Variants in ZBTB7C observed in about 807,000 individuals in gnomAD.
ZBTB7C encodes zinc finger and BTB domain containing 7C, also known as zinc finger and BTB domain-containing protein 7C.
Under a neutral mutation model 25.7 loss-of-function variants are expected in ZBTB7C, and 8 were observed. That is an observed-to-expected ratio of 0.31 (90% CI 0.18 to 0.56). The LOEUF (loss-of-function observed/expected upper bound fraction) is 0.56. ZBTB7C is among the 20% of genes least tolerant of loss of function. The pLI is 0.91. For missense variants in ZBTB7C, 824 were observed against 855.2 expected (o/e 0.96, Z 0.46); for synonymous variants, 394 against 369.0 (o/e 1.07, Z -0.78).
chr18:48,367,109 T>C (rs75332681), intron 1 of ZBTB7C, among the ~76,000 whole-genome samples: 2,481 of 145,228 alleles, frequency 0.017, 88 homozygotes, highest in African/African-American at 0.06. Flanking sequence ...GAAAAGGAAG[T>C]AGAGAGGGCT....
intron 2 of ZBTB7C, among the ~76,000 whole-genome samples, chr18:48,323,978 G>T (rs1001889990): frequency 6.6e-6 from 1 of 152,022 alleles, no homozygotes; most frequent in East Asian, 1.9e-4. Context: ...AATAGAATTG[G>T]TGCCTTTTTA....
At chr18:48,239,944 C>A (rs1035861148) in intron 2 of ZBTB7C, among the ~76,000 whole-genome samples, 4 of 151,736 alleles carry the variant, frequency 2.6e-5, no homozygotes, top group South Asian at 4.2e-4. Context: ...AAGGTGAAAA[C>A]CAACTTAAAG....
chr18:48,359,045 A>G (rs1403994084), intron 1 of ZBTB7C, among the ~76,000 whole-genome samples: 1 of 152,166 alleles, frequency 6.6e-6, no homozygotes, highest in Admixed American at 6.5e-5. Flanking sequence ...TTGTACTGGC[A>G]ACAAGATGCT....
At chr18:48,388,028 T>C (rs1480194284) in intron 1 of ZBTB7C, among the ~76,000 whole-genome samples, 1 of 152,176 alleles carries the variant, frequency 6.6e-6, no homozygotes, top group Non-Finnish European at 1.5e-5. Flanking sequence ...GGTTTTACCA[T>C]GTTGGCCAGG....
chr18:48,079,995 G>A (rs1437525910), intron 3 of ZBTB7C, among the ~76,000 whole-genome samples: 4 of 152,230 alleles, frequency 2.6e-5, no homozygotes, highest in Non-Finnish European at 5.9e-5. Context: ...CTGTGCTAAC[G>A]ACACCACTGC....
At chr18:48,105,493 A>T (rs541198807) in intron 3 of ZBTB7C, among the ~76,000 whole-genome samples, 1 of 152,188 alleles carries the variant, frequency 6.6e-6, no homozygotes, top group South Asian at 2.1e-4. Flanking sequence ...CATGATTAAT[A>T]CCAGTAGTGC....
At chr18:48,270,843 T>C (rs187393354) in intron 2 of ZBTB7C, among the ~76,000 whole-genome samples, 1 of 152,028 alleles carries the variant, frequency 6.6e-6, no homozygotes, top group Admixed American at 6.5e-5. Context: ...AACCTAGTTC[T>C]ATAGAACACA....
chr18:48,335,194 C>T lies in ZBTB7C; in HGVS notation c.-79+2980G>A, dbSNP rs182726039. ...ATGCAAAGGGAGAGTGGAGACAGAA[C>T]TACAGAAATGCCAGTTAGGAAACTT... On this transcript the variant is annotated intron_variant, in intron 2 of 4. Transcript: ENST00000590800. Among the ~76,000 whole-genome samples the T allele has an allele frequency of 1.6e-3, 237 of 152,338 alleles. 2 individuals carry two copies. Among genetic ancestry groups the T allele is most frequent in the African/African-American group, 5.4e-3 (225 of 41,592 alleles).
At position 48,269,855 on chromosome 18, in the gene ZBTB7C, C is replaced by T. The variant is rs146575817; in HGVS notation, c.-79+68319G>A. On this transcript the variant is annotated intron_variant, in intron 2 of 4. Coordinates refer to ENST00000590800, the MANE Select transcript of ZBTB7C (RefSeq NM_001318841.2). ...AGCCTCTTTGTTAGAGATCTCTAGT[C>T]CACACTGGAGGTTCATTAGCTTGGT... 6.1e-4 allele frequency among the ~76,000 whole-genome samples: 93 copies of T among 152,232 alleles called. 1 individual carries two copies. Among genetic ancestry groups the T allele is most frequent in the East Asian group, 4.4e-3 (23 of 5,176 alleles).
At chr18:48,270,470 C>T (rs181485318) in intron 2 of ZBTB7C, among the ~76,000 whole-genome samples, 14 of 149,844 alleles carry the variant, frequency 9.3e-5, no homozygotes, top group East Asian at 2.0e-4. Flanking sequence ...CCCAGGTGGG[C>T]GGATCTCGAG....
intron 1 of ZBTB7C, among the ~76,000 whole-genome samples, chr18:48,378,853 TGAG>T (rs1483873573): frequency 6.6e-6 from 1 of 152,104 alleles, no homozygotes; most frequent in Non-Finnish European, 1.5e-5. Context: ...AATATAAAAT[TGAG>T]GAACTCTTCC....
chr18:48,301,629 G>A (rs977281796), intron 2 of ZBTB7C, among the ~76,000 whole-genome samples: 8 of 152,126 alleles, frequency 5.3e-5, no homozygotes, highest in Non-Finnish European at 5.9e-5. Flanking sequence ...GTGAGCCTAC[G>A]GGCACTGGGA....
intron 2 of ZBTB7C, among the ~76,000 whole-genome samples, chr18:48,245,535 C>T (rs375648454): frequency 3.6e-4 from 43 of 120,340 alleles, no homozygotes; most frequent in South Asian, 5.7e-4. Context: ...ATGGTATATA[C>T]GCTCAAGAGT....
chr18:48,204,278 C>T (rs1012430390), intron 2 of ZBTB7C, among the ~76,000 whole-genome samples: 1 of 152,158 alleles, frequency 6.6e-6, no homozygotes, highest in Admixed American at 6.5e-5. Context: ...TGCGCATGCC[C>T]AGTCTCTCAC....
At chr18:48,392,379 A>G (rs954807742) in intron 1 of ZBTB7C, among the ~76,000 whole-genome samples, 1 of 152,162 alleles carries the variant, frequency 6.6e-6, no homozygotes, top group Non-Finnish European at 1.5e-5. Flanking sequence ...ACCCCAAAAG[A>G]ATGTAACTGG....
At chr18:48,295,136 AT>A in intron 2 of ZBTB7C, among the ~76,000 whole-genome samples, 1 of 152,218 alleles carries the variant, frequency 6.6e-6, no homozygotes, top group East Asian at 1.9e-4. Flanking sequence ...CCAGGCCTCA[AT>A]TTCTGTACAC....
intron 2 of ZBTB7C, among the ~76,000 whole-genome samples, chr18:48,194,002 G>A (rs2042260572): frequency 2.0e-5 from 3 of 152,308 alleles, no homozygotes; most frequent in East Asian, 3.9e-4. Flanking sequence ...ATTGCTCTGG[G>A]GTGACAGCCC....
At chr18:48,215,116 T>C (rs1387588905) in intron 2 of ZBTB7C, among the ~76,000 whole-genome samples, 1 of 152,190 alleles carries the variant, frequency 6.6e-6, no homozygotes, top group African/African-American at 2.4e-5. Context: ...GGTTCTAGGT[T>C]AAAAAGACCA....
At chr18:48,316,635 C>T (rs142241239) in intron 2 of ZBTB7C, among the ~76,000 whole-genome samples, 91 of 152,318 alleles carry the variant, frequency 6.0e-4, no homozygotes, top group Admixed American at 1.3e-3. Flanking sequence ...GCATCTCTTG[C>T]TCCCTCTCTT....
Sources: allele counts gnomAD v4.1 joint callset (sites outside exome capture counted in the v4.1 genomes callset), GRCh38; gene constraint gnomAD v4.1.1; transcripts MANE v1.5; gene names NCBI Gene and HGNC (gene_info 2026-07-23, HGNC 2026-07-21).